Variants in SLC1A6 observed in about 807,000 individuals in gnomAD.
SLC1A6 encodes the protein excitatory amino acid transporter 4.
Under a neutral mutation model 42.1 loss-of-function variants are expected in SLC1A6, and 15 were observed. That is an observed-to-expected ratio of 0.36 (90% CI 0.24 to 0.55). The LOEUF (loss-of-function observed/expected upper bound fraction) is 0.55. SLC1A6 is among the 20% of genes least tolerant of loss of function. The pLI, the probability that SLC1A6 is intolerant of heterozygous loss-of-function variation, is 0.88. For synonymous variants in SLC1A6, 317 were observed against 319.7 expected (o/e 0.99, Z 0.09); for missense variants, 542 against 772.5 (o/e 0.70, Z 3.54).
At chr19:14,970,194 C>T (rs1003252719) in intron 3 of SLC1A6, among the ~76,000 whole-genome samples, 21 of 152,080 alleles carry the variant, frequency 1.4e-4, no homozygotes, top group African/African-American at 4.1e-4. Context: ...TTCAGCCTCT[C>T]GAGTAGCTAG....
chr19:15,008,217 C>T (rs1016708440), intron 1 of SLC1A6, among the ~76,000 whole-genome samples: 5 of 151,746 alleles, frequency 3.3e-5, no homozygotes, highest in Non-Finnish European at 4.4e-5. Context: ...TGGTGGCGTG[C>T]GCCTATAGTC....
chr19:14,953,968 T>C (rs1018972625), intron 8 of SLC1A6, among the ~76,000 whole-genome samples, 167 bp downstream of exon 8: 5 of 152,162 alleles, frequency 3.3e-5, no homozygotes, highest in Admixed American at 1.3e-4. Context: ...CAACTTTACC[T>C]TTCACCTACC....
intron 1 of SLC1A6, among the ~76,000 whole-genome samples, chr19:15,004,122 C>T (rs1192830898): frequency 6.6e-6 from 1 of 152,044 alleles, no homozygotes; most frequent in Non-Finnish European, 1.5e-5. Context: ...CACCACTGCA[C>T]TCCAGCGTGA....
intron 1 of SLC1A6, among the ~76,000 whole-genome samples, chr19:14,995,738 T>C (rs924008549): frequency 6.6e-6 from 1 of 152,150 alleles, no homozygotes; most frequent in African/African-American, 2.4e-5. Flanking sequence ...AGATCCCCAA[T>C]GTTGGCATCA....
At chr19:14,954,431 G>T in intron 7 of SLC1A6, 102 bp from the exon 8 acceptor site, 2 of 1,047,000 alleles carry the variant, frequency 1.9e-6, no homozygotes, top group Non-Finnish European at 2.9e-6. Flanking sequence ...ATGGGGCGTG[G>T]CCGAAGAAAG....
At chr19:14,986,039 T>C (rs2045790952) in intron 1 of SLC1A6, among the ~76,000 whole-genome samples, 1 of 150,122 alleles carries the variant, frequency 6.7e-6, no homozygotes. Flanking sequence ...TGTCTAAAAA[T>C]GGAATTCCAT....
At chr19:14,955,136 C>T (rs975685645) in intron 7 of SLC1A6, among the ~76,000 whole-genome samples, 1 of 152,138 alleles carries the variant, frequency 6.6e-6, no homozygotes, top group Non-Finnish European at 1.5e-5. Context: ...TTACATCATA[C>T]GGTTGGAATC....
chr19:14,958,507 G>A (rs1246020299), intron 6 of SLC1A6, among the ~76,000 whole-genome samples: 1 of 152,136 alleles, frequency 6.6e-6, no homozygotes, highest in Non-Finnish European at 1.5e-5. Context: ...ACAATAGCTT[G>A]AGTCAAAAAT....
intron 1 of SLC1A6, among the ~76,000 whole-genome samples, chr19:14,991,674 CAA>C (rs2045820789): frequency 6.8e-6 from 1 of 146,712 alleles, no homozygotes; most frequent in East Asian, 2.0e-4. Context: ...TTCAATAAAA[CAA>C]AAGTAAAGGA....
chr19:14,997,243 C>T (rs1187070333), intron 1 of SLC1A6, among the ~76,000 whole-genome samples: 1 of 152,082 alleles, frequency 6.6e-6, no homozygotes, highest in East Asian at 1.9e-4. Flanking sequence ...CTACCTATGA[C>T]CTGGAAGCCT....
intron 1 of SLC1A6, among the ~76,000 whole-genome samples, chr19:14,991,046 TA>T: frequency 1.3e-5 from 2 of 152,334 alleles, no homozygotes; most frequent in African/African-American, 4.8e-5. Flanking sequence ...AATAAAATTT[TA>T]AAATAAAAAT....
At chr19:14,995,366 A>G (rs547362864) in intron 1 of SLC1A6, among the ~76,000 whole-genome samples, 26 of 116,212 alleles carry the variant, frequency 2.2e-4, no homozygotes, top group Non-Finnish European at 3.6e-4. Flanking sequence ...AGAAAGAAAG[A>G]AAAGGGAAGG....
At chr19:14,954,033 T>G in intron 8 of SLC1A6, 102 bp downstream of exon 8, 2 of 1,030,044 alleles carry the variant, frequency 1.9e-6, no homozygotes, top group African/African-American at 3.2e-5. Flanking sequence ...TGGGCTCCTC[T>G]GAGCTCCAGC....
intron 2 of SLC1A6, among the ~76,000 whole-genome samples, chr19:14,972,330 A>G (rs1039507815): frequency 6.6e-6 from 1 of 152,230 alleles, no homozygotes; most frequent in African/African-American, 2.4e-5. Flanking sequence ...GAATGCATGT[A>G]GAGATGTGAA....
At chr19:14,992,053 T>C (rs1600032500) in intron 1 of SLC1A6, among the ~76,000 whole-genome samples, 1 of 152,144 alleles carries the variant, frequency 6.6e-6, no homozygotes, top group Admixed American at 6.5e-5. Flanking sequence ...CTTGAACTCC[T>C]GACCTTAGGT....
At chr19:14,961,917 C>T in intron 6 of SLC1A6, 85 bp downstream of exon 6, 1 of 1,508,472 alleles carries the variant, frequency 6.6e-7, no homozygotes, top group Non-Finnish European at 8.8e-7. Context: ...GACCAAAAGT[C>T]CCCAGCAAGC....
At chr19:14,999,987 T>C (rs1202034889) in intron 1 of SLC1A6, among the ~76,000 whole-genome samples, 6 of 149,604 alleles carry the variant, frequency 4.0e-5, no homozygotes, top group Non-Finnish European at 8.9e-5. Flanking sequence ...TAATGCTATC[T>C]CTTCCCCCTC....
chr19:14,950,118 G>T lies in SLC1A6; in HGVS notation c.*77C>A. The stretch of plus-strand genomic sequence containing the variant: ...ACGTGTGTTCAGCCCACGGTCAGTT[G>T]GGCAACAGATGTGTCACCAGGACTC... On this transcript the variant is annotated 3_prime_UTR_variant, in exon 10 of 10. Coordinates refer to ENST00000594383, the MANE Select transcript of SLC1A6 (RefSeq NM_005071.3). 1.8e-6 allele frequency: 2 copies of T among 1,098,326 alleles called. No individual in the cohort carries two copies. The highest frequency in any genetic ancestry group is 1.6e-5 in the African/African-American group (1 of 63,222). The allele number at this position is 1,098,326 out of a possible 1,614,324, so 68.0% of individuals were successfully genotyped here. A position where few individuals can be genotyped will look rare whatever the true frequency, so the allele number is the denominator to read the frequency against.
At chr19:14,954,987 T>C (rs1385500360) in intron 7 of SLC1A6, among the ~76,000 whole-genome samples, 1 of 152,212 alleles carries the variant, frequency 6.6e-6, no homozygotes, top group East Asian at 1.9e-4. Flanking sequence ...TGACCTCAGC[T>C]GTGCTAACTT....
Sources: allele counts gnomAD v4.1 joint callset (sites outside exome capture counted in the v4.1 genomes callset), GRCh38; gene constraint gnomAD v4.1.1; transcripts MANE v1.5; gene names NCBI Gene and HGNC (gene_info 2026-07-23, HGNC 2026-07-21).